PRMT5: variants seen among roughly 807,000 people sequenced by gnomAD.
The protein encoded by PRMT5 is protein arginine methyltransferase 5, also known as protein arginine N-methyltransferase 5.
Under a neutral mutation model 84.0 loss-of-function variants are expected in PRMT5, and 15 were observed. The observed-to-expected ratio is 0.18, with a 90% CI of 0.12 to 0.28. The LOEUF is 0.28. Among genes scored for constraint, PRMT5 ranks in the 10% least tolerant of loss-of-function variants. The pLI is 1.00. For synonymous variants in PRMT5, 276 were observed against 292.4 expected (o/e 0.94, Z 0.57); for missense variants, 486 against 808.0 (o/e 0.60, Z 4.83).
Position 22,924,388 on chromosome 14 carries a change from G to A in PRMT5, c.1081C>T (p.Leu361=), listed in dbSNP as rs372069250. The change falls in exon 11 of 17, where the codon CTG becomes TTG. Residue 361 remains leucine (L), a synonymous_variant. Coordinates refer to ENST00000324366, the MANE Select transcript of PRMT5 (RefSeq NM_006109.5). This position sits in a 1 kb window ranked among gnomAD's most constrained non-coding sequence, Gnocchi z 6.5. ...CCCCGTCCTGCTCCCAGCACCATCA[G>A]TACCCTAAGAAAGAAAGGGAAGAGT... ...EEEKDTNVQV[L]MVLGAGRGPL... 1.9e-6 allele frequency: 3 copies of A among 1,614,038 alleles called. No individual in the cohort carries two copies. Among genetic ancestry groups the A allele is most frequent in the Non-Finnish European group, 2.5e-6 (3 of 1,180,018 alleles).
chr14:22,928,127 G>A lies in PRMT5; in HGVS notation c.314C>T (p.Ala105Val), dbSNP rs199877231. Residue 105 changes from alanine (A) to valine (V), a missense_variant and splice_region_variant, in exon 3 of 17, where the codon GCG (alanine) becomes GTG (valine). Coordinates refer to ENST00000324366, the MANE Select transcript of PRMT5 (RefSeq NM_006109.5). The surrounding 1 kb of genome is among the most constrained non-coding windows in gnomAD (Gnocchi z 4.8). ...KVEKIRRNSE[A>V]AMLQELNFGA... Reference sequence around the variant, plus strand: ...AGCAGAGAAGTCAAACAGTCTTACCGCCTCGGAGTTCCTGCGAATCTTCTC... The same window carrying A: ...AGCAGAGAAGTCAAACAGTCTTACCACCTCGGAGTTCCTGCGAATCTTCTC... The A allele has an allele frequency of 5.2e-5, 84 of 1,613,644 alleles. No individual in the cohort carries two copies. The highest frequency in any genetic ancestry group is 6.6e-5 in the Non-Finnish European group (78 of 1,179,814).
At position 22,924,602 on chromosome 14, in the gene PRMT5, G is replaced by A. The variant is rs1678841251; in HGVS notation, c.1017+30C>T. ...CCTCCCCAGGTCATGCTGGCCCTGT[G>A]CTTTCCTCACCCTGGGCACCACACA... On this transcript the variant is annotated intron_variant, in intron 9 of 16. Coordinates refer to ENST00000324366, the MANE Select transcript of PRMT5 (RefSeq NM_006109.5). The surrounding 1 kb of genome is among the most constrained non-coding windows in gnomAD (Gnocchi z 6.5). The A allele has an allele frequency of 6.2e-7, 1 of 1,613,130 alleles. No homozygotes were observed. Among genetic ancestry groups the A allele is most frequent in the Admixed American group, 1.7e-5 (1 of 60,008 alleles).
chr14:22,926,603 C>T (rs756234541), intron 5 of PRMT5, 48 bp from the exon 6 acceptor site: 2 of 1,610,170 alleles, frequency 1.2e-6, no homozygotes, highest in Middle Eastern at 1.7e-4. Flanking sequence ...TATGGCCGAC[C>T]AATCACCACA....
chr14:22,925,126 A>T, intron 7 of PRMT5, 86 bp from the exon 8 acceptor site: 2 of 1,408,130 alleles, frequency 1.4e-6, no homozygotes, highest in Non-Finnish European at 1.9e-6. Context: ...CCCTAGTGTA[A>T]AATAAGGCCC....
intron 7 of PRMT5, among the ~76,000 whole-genome samples, chr14:22,925,524 TA>T (rs1448080687): frequency 1.3e-5 from 2 of 152,042 alleles, no homozygotes; most frequent in Admixed American, 6.5e-5. Flanking sequence ...AGTAAACTTA[TA>T]AAAAGCCCCC....
At chr14:22,926,065 C>A (rs895424244) in intron 7 of PRMT5, 68 bp downstream of exon 7, 2 of 1,422,946 alleles carry the variant, frequency 1.4e-6, no homozygotes, top group Non-Finnish European at 1.9e-6. Flanking sequence ...CAGGAAAAAA[C>A]GATCATACAC....
chr14:22,920,861 A>G lies in PRMT5; in HGVS notation c.*43T>C. On this transcript the variant is annotated 3_prime_UTR_variant, in exon 17 of 17. Transcript: ENST00000324366. The stretch of plus-strand genomic sequence containing the variant: ...GCACCTTCTGTACTACAGGAGCAGA[A>G]CCTGAAGCTGCTTCCAAGGCTCTGG... The G allele has an allele frequency of 6.2e-7, 1 of 1,611,948 alleles. No homozygotes were observed. The highest frequency in any genetic ancestry group is 8.5e-7 in the Non-Finnish European group (1 of 1,178,204).
At chr14:22,925,152 T>A in intron 7 of PRMT5, 112 bp from the exon 8 acceptor site, 14 of 690,276 alleles carry the variant, frequency 2.0e-5, no homozygotes, top group East Asian at 3.7e-5. Context: ...AACAGTTCTC[T>A]TTTTTTTTTT....
Position 22,928,071 on chromosome 14 carries a change from C to T in PRMT5, c.315+55G>A. The T allele has an allele frequency of 2.7e-6, 4 of 1,466,688 alleles. No homozygotes were observed. Among genetic ancestry groups the T allele is most frequent in the Non-Finnish European group, 3.8e-6 (4 of 1,057,600 alleles). The allele number at this position is 1,466,688 out of a possible 1,614,324, so 90.9% of individuals were successfully genotyped here. On this transcript the variant is annotated intron_variant, in intron 3 of 16. Transcript: ENST00000324366. This position sits in a 1 kb window ranked among gnomAD's most constrained non-coding sequence, Gnocchi z 4.8. The stretch of plus-strand genomic sequence containing the variant: ...AGTTATTGGGGATGGGAGGGGACCA[C>T]TCTCCCCACCCAGCTTGGTTAGAAA...
At chr14:22,926,093 T>C (rs2044411772) in intron 7 of PRMT5, 40 bp downstream of exon 7, 1 of 1,546,272 alleles carries the variant, frequency 6.5e-7, no homozygotes, top group Middle Eastern at 1.8e-4. Context: ...TAAGGCAAGA[T>C]GTATAGCTGG....
chr14:22,923,156 A>G lies in PRMT5; in HGVS notation c.1380T>C (p.Asp460=). 1 of 1,605,916 alleles carries G rather than the reference A, an allele frequency of 6.2e-7. No homozygotes were observed. The highest frequency in any genetic ancestry group is 1.3e-5 in the African/African-American group (1 of 74,656). The change falls in exon 13 of 17, where the codon GAT becomes GAC. Residue 460 remains aspartate (D), a synonymous_variant. Coordinates refer to ENST00000324366, the MANE Select transcript of PRMT5 (RefSeq NM_006109.5). This position sits in a 1 kb window ranked among gnomAD's most constrained non-coding sequence, Gnocchi z 5.2. ...TGTACTCCCCGGGGATGCTCACACC[A>G]TCATCTGCACAGCAGGAGAGTCAAA... The part of the protein sequence containing the change: ...LDGAQHFLKD[D]GVSIPGEYTS...
At chr14:22,921,993 A>G (rs1258646647) in intron 16 of PRMT5, 183 bp downstream of exon 16, 5 of 632,366 alleles carry the variant, frequency 7.9e-6, no homozygotes, top group Non-Finnish European at 1.4e-5. Flanking sequence ...GCCAGAGTAG[A>G]TGCGGGAAAG....
rs147575039 is a variant in PRMT5, at chr14:22,922,554, T to G, written c.1585A>C (p.Met529Leu). ...GTGCAATAGCGGTTGTTGTCAATCA[T>G]AGGATCTGTCAGGAAATAATTATGT... is the stretch of plus-strand genomic sequence containing the variant. ...FTFSHPNRDP[M>L]IDNNRYCTLE... Residue 529 changes from methionine (M) to leucine (L), a missense_variant, in exon 15 of 17, where the codon ATG becomes CTG. Met to Leu is a conservative substitution (Grantham distance 15). This residue lies in a region of PRMT5 where 219 missense variants were observed against 433.6 expected (regional missense o/e 0.51). Coordinates refer to ENST00000324366, the MANE Select transcript of PRMT5 (RefSeq NM_006109.5). 2.5e-6 allele frequency: 4 copies of G among 1,611,896 alleles called. No individual in the cohort carries two copies. The highest frequency in any genetic ancestry group is 3.4e-6 in the Non-Finnish European group (4 of 1,178,062).
chr14:22,920,891 T>G lies in PRMT5; in HGVS notation c.*13A>C, dbSNP rs766932007. 6.2e-7 allele frequency: 1 copy of G among 1,613,754 alleles called. No individual in the cohort carries two copies. The highest frequency in any genetic ancestry group is 1.3e-5 in the African/African-American group (1 of 74,934). ...AAGCTGCTTCCAAGGCTCTGGACAC[T>G]TGGCACGCAGGGCTAGAGGCCAATG... On this transcript the variant is annotated 3_prime_UTR_variant, in exon 17 of 17. Coordinates refer to ENST00000324366, the MANE Select transcript of PRMT5 (RefSeq NM_006109.5).
rs1338803253 is a variant in PRMT5 at position 22,928,506 on chromosome 14, A to G, written c.220T>C (p.Ser74Pro). The change falls in exon 2 of 17, where the codon TCA becomes CCA. Residue 74 changes from serine (S) to proline (P), a missense_variant. By Grantham distance (74) the Ser-to-Pro change is moderately conservative (BLOSUM62 -1). Around this residue, in one of 4 missense-constraint regions of PRMT5, gnomAD observed 215 missense variants for 301.1 expected, o/e 0.71. Coordinates refer to ENST00000324366, the MANE Select transcript of PRMT5 (RefSeq NM_006109.5). This position sits in a 1 kb window ranked among gnomAD's most constrained non-coding sequence, Gnocchi z 4.8. ...GPQTRSDLLL[S>P]GRDWNTLIVG... Reference sequence around the variant, plus strand: ...ATGGGATGGTCCCTACCCCTTCCTGACAGCAGTAGGTCTGATCGTGTCTGG... The same window carrying G: ...ATGGGATGGTCCCTACCCCTTCCTGGCAGCAGTAGGTCTGATCGTGTCTGG... 6.2e-7 allele frequency: 1 copy of G among 1,609,878 alleles called. No homozygotes were observed. The highest frequency in any genetic ancestry group is 8.5e-7 in the Non-Finnish European group (1 of 1,176,156).
chr14:22,927,028 C>A, intron 4 of PRMT5: 1 of 542,686 alleles, frequency 1.8e-6, no homozygotes, highest in Non-Finnish European at 3.3e-6. Context: ...ATTACATTTA[C>A]ATGTTTTGAA....
intron 14 of PRMT5, 53 bp downstream of exon 14, chr14:22,922,689 G>A: frequency 1.9e-6 from 3 of 1,562,418 alleles, no homozygotes; most frequent in South Asian, 1.1e-5. Context: ...AAAGCAGGAG[G>A]AAGGAAGAAG....
chr14:22,926,633 C>T (rs2044425334), intron 5 of PRMT5, 69 bp downstream of exon 5: 2 of 1,602,096 alleles, frequency 1.2e-6, no homozygotes, highest in African/African-American at 1.3e-5. Flanking sequence ...GACCTCCCTA[C>T]AGGTTGCACC....
chr14:22,922,717 A>G, intron 14 of PRMT5, 25 bp downstream of exon 14: 1 of 1,606,310 alleles, frequency 6.2e-7, no homozygotes, highest in South Asian at 1.1e-5. Flanking sequence ...CCCTCTAGTC[A>G]GAGGACAGCC....
Sources: gnomAD v4.1 joint callset for allele counts (sites outside exome capture counted in the v4.1 genomes callset) on GRCh38, gnomAD v4.1.1 for gene constraint, gnomAD v4.1.1 regional missense constraint, Gnocchi (gnomAD v3.1) non-coding constraint, MANE v1.5 for transcripts, NCBI Gene and HGNC (gene_info 2026-07-23, HGNC 2026-07-21) for gene names.